The following TMEM179 variants were observed in gnomAD, a reference collection of about 807,000 sequenced individuals.
TMEM179 encodes transmembrane protein 179.
Under a neutral mutation model 22.2 loss-of-function variants are expected in TMEM179, and 17 were observed. That is an observed-to-expected ratio of 0.77 (90% CI 0.52 to 1.15). The LOEUF is 1.15. Among genes scored for constraint, TMEM179 ranks in the 50% most tolerant of loss-of-function variants. The pLI is 0.00. For synonymous variants in TMEM179, 127 were observed against 140.5 expected, an observed-to-expected ratio of 0.90 and a Z score of 0.68; for missense variants, 265 against 313.6, an observed-to-expected ratio of 0.84 and a Z score of 1.17.
At position 104,602,120 on chromosome 14, in the gene TMEM179, C is replaced by CA. The variant is rs531042061; in HGVS notation, c.305+2316dup. On this transcript the variant is annotated intron_variant, in intron 1 of 3. Transcript: ENST00000556573. ...CTGGCAGTTTGCCACGGCTGACAGA[C>CA]AGTCACCTTCCGTGAGATGGCAAGA... Among the ~76,000 whole-genome samples, 1,032 of 152,340 alleles carry CA rather than the reference C, an allele frequency of 6.8e-3. 13 individuals carry two copies. The highest frequency in any genetic ancestry group is 0.024 in the African/African-American group (982 of 41,572).
intron 1 of TMEM179, among the ~76,000 whole-genome samples, chr14:104,599,762 A>G (rs112801404): frequency 4.6e-4 from 70 of 152,270 alleles, no homozygotes; most frequent in African/African-American, 1.6e-3. Context: ...CACACCTTTC[A>G]GCCTCCAGAG....
chr14:104,598,729 G>A (rs530777969), intron 1 of TMEM179, among the ~76,000 whole-genome samples: 113 of 152,216 alleles, frequency 7.4e-4, no homozygotes, highest in Non-Finnish European at 1.4e-3. Flanking sequence ...CAAGGAGCCC[G>A]TCCACTGGCC....
In TMEM179 at chr14:104,595,520, G is replaced by C. The variant is rs987732777; in HGVS notation, c.444-277C>G. 6.6e-6 allele frequency among the ~76,000 whole-genome samples: 1 copy of C among 152,048 alleles called. No homozygotes were observed. Among genetic ancestry groups the C allele is most frequent in the African/African-American group, 2.4e-5 (1 of 41,404 alleles). On this transcript the variant is annotated intron_variant, in intron 2 of 3. Transcript: ENST00000556573. This position sits in a 1 kb window ranked among gnomAD's most constrained non-coding sequence, Gnocchi z 5.7. ...CTGCCTCTGCCCTCCTGGACCCTCT[G>C]CCCCCCATGCCCCACACTCTGAGGA...
chr14:104,597,020 G>A lies in TMEM179; in HGVS notation c.413C>T (p.Thr138Ile). 7 of 1,609,626 alleles carry A rather than the reference G, an allele frequency of 4.3e-6. No homozygotes were observed. Among genetic ancestry groups the A allele is most frequent in the Non-Finnish European group, 5.9e-6 (7 of 1,179,254 alleles). Residue 138 changes from threonine to isoleucine, a missense_variant, in exon 2 of 4, where the codon ACC becomes ATC. Thr to Ile is a moderately conservative substitution (Grantham distance 89). Coordinates refer to ENST00000556573, the MANE Select transcript of TMEM179 (RefSeq NM_001286389.2). This position sits in a 1 kb window ranked among gnomAD's most constrained non-coding sequence, Gnocchi z 4.8. The stretch of plus-strand genomic sequence containing the variant: ...GGGTACGGTGCCCTTCTCGGTGATG[G>A]TGTCGCACCACATGGTGAAGCCCAC... ...VSVGFTMWCDTITEKGTVPHS... is the reference protein window; with the variant it reads ...VSVGFTMWCDIITEKGTVPHS...
Position 104,593,561 on chromosome 14 carries a change from C to A in TMEM179, c.620G>T (p.Ser207Ile). The A allele has an allele frequency of 6.5e-7, 1 of 1,533,870 alleles. No homozygotes were observed. Among genetic ancestry groups the A allele is most frequent in the South Asian group, 1.2e-5 (1 of 83,852 alleles). The change falls in exon 4 of 4, where the codon AGC becomes ATC. Residue 207 changes from serine to isoleucine, a missense_variant. Ser to Ile is a moderately radical substitution (Grantham distance 142). Coordinates refer to ENST00000556573, the MANE Select transcript of TMEM179 (RefSeq NM_001286389.2). ...HNYRQEDLLD[S>I]LIHEKELLLA... Reference sequence around the variant, plus strand: ...CAGCAGCTCCTTCTCGTGGATCAGGCTGTCCAGCAGGTCCTCCTGACGGTA... The same window carrying A: ...CAGCAGCTCCTTCTCGTGGATCAGGATGTCCAGCAGGTCCTCCTGACGGTA...
In TMEM179 at chr14:104,593,260, C is replaced by T. The variant is rs1286681144; in HGVS notation, c.*219G>A. ...CCGCCCCACACCCATAGTCTCTCTG[C>T]ACCATCCTCATCAGGGAGCCGGCAC... On this transcript the variant is annotated 3_prime_UTR_variant, in exon 4 of 4. Transcript: ENST00000556573. 2 of 618,116 alleles carry T rather than the reference C, an allele frequency of 3.2e-6. No individual in the cohort carries two copies. Among genetic ancestry groups the T allele is most frequent in the Non-Finnish European group, 5.7e-6 (2 of 352,684 alleles). The allele number at this position is 618,116 out of a possible 1,614,324, so 38.3% of individuals were successfully genotyped here.
In TMEM179 at chr14:104,593,472, ACT is replaced by A. The variant is rs960715798; in HGVS notation, c.*5_*6del. 5 of 1,535,876 alleles carry A rather than the reference ACT, an allele frequency of 3.3e-6. No individual in the cohort carries two copies. The African/African-American group carries it at 6.8e-5, about 21-fold the overall frequency. On this transcript the variant is annotated 3_prime_UTR_variant, in exon 4 of 4. Transcript: ENST00000556573. Reference sequence around the variant, plus strand: ...GTCGGGGCCAGCTCCCCCTGCCTGCACTGTGCCTAAATGACAGCGCTCTTCTC... The same window carrying A: ...GTCGGGGCCAGCTCCCCCTGCCTGCAGTGCCTAAATGACAGCGCTCTTCTC...
intron 1 of TMEM179, among the ~76,000 whole-genome samples, chr14:104,600,720 C>T (rs1238773361): frequency 2.0e-5 from 3 of 152,246 alleles, no homozygotes; most frequent in Non-Finnish European, 4.4e-5. Context: ...AATTTTCACA[C>T]TTCTGGGCAC....
intron 3 of TMEM179, chr14:104,594,819 T>C: frequency 1.6e-6 from 2 of 1,255,518 alleles, no homozygotes; most frequent in Non-Finnish European, 2.0e-6. Flanking sequence ...TCCAAAGCCC[T>C]TGTCCCTACA....
Position 104,593,244 on chromosome 14 carries a change from A to G in TMEM179, c.*235T>C. On this transcript the variant is annotated 3_prime_UTR_variant, in exon 4 of 4. Transcript: ENST00000556573. ...GAGGTGCCCCCCGCCCCCGCCCCAC[A>G]CCCATAGTCTCTCTGCACCATCCTC... The G allele has an allele frequency of 1.8e-6, 1 of 561,070 alleles. No individual in the cohort carries two copies. Among genetic ancestry groups the G allele is most frequent in the Non-Finnish European group, 3.1e-6 (1 of 321,796 alleles). The allele number at this position is 561,070 out of a possible 1,614,324, so 34.8% of individuals were successfully genotyped here. A position where few individuals can be genotyped will look rare whatever the true frequency, so the allele number is the denominator to read the frequency against.
Position 104,600,748 on chromosome 14 carries a change from A to C in TMEM179, c.306-3621T>G, listed in dbSNP as rs1596300259. Among the ~76,000 whole-genome samples the C allele has an allele frequency of 2.0e-5, 3 of 152,056 alleles. No homozygotes were observed. In the East Asian group the frequency reaches 5.8e-4, roughly 29 times the overall value. On this transcript the variant is annotated intron_variant, in intron 1 of 3. Transcript: ENST00000556573. ...CTGGGCACGAGCTCTCAGGGCCCAG[A>C]CTCTGCATGAAAGACACCCCCATAG...
chr14:104,594,903 CAGACCCCAGGGCCTTGCCA>C, intron 3 of TMEM179: 1 of 1,339,778 alleles, frequency 7.5e-7, no homozygotes, highest in South Asian at 1.8e-5. Context: ...CTTCCCACCC[CAGACCCCAGGGCCTTGCCA>C]CTTCCTGATT....
At chr14:104,600,047 C>G (rs940475105) in intron 1 of TMEM179, among the ~76,000 whole-genome samples, 24 of 152,168 alleles carry the variant, frequency 1.6e-4, no homozygotes, top group African/African-American at 5.8e-4. Context: ...CGAGGAGTTC[C>G]CCATGAGATA....
chr14:104,604,385 G>A lies in TMEM179; in HGVS notation c.305+52C>T. The stretch of plus-strand genomic sequence containing the variant: ...GCGCCTCCCCGGGGAGGTGGGTCTG[G>A]GGGCGCTGGGGGCATGGAAGGGGCG... On this transcript the variant is annotated intron_variant, in intron 1 of 3. Coordinates refer to ENST00000556573, the MANE Select transcript of TMEM179 (RefSeq NM_001286389.2). This position sits in a 1 kb window ranked among gnomAD's most constrained non-coding sequence, Gnocchi z 4.6. The A allele has an allele frequency of 4.2e-6, 6 of 1,435,248 alleles. No individual in the cohort carries two copies. The South Asian group carries it at 8.7e-5, about 21-fold the overall frequency. 88.9% of individuals were successfully genotyped at this position (1,435,248 alleles called of 1,614,324 possible).
intron 2 of TMEM179, among the ~76,000 whole-genome samples, chr14:104,596,754 C>T (rs1054728582): frequency 6.6e-6 from 1 of 152,170 alleles, no homozygotes; most frequent in East Asian, 1.9e-4. Context: ...GATGATCGCT[C>T]TTGTGTGACG....
chr14:104,603,204 C>A (rs753411424), intron 1 of TMEM179, among the ~76,000 whole-genome samples: 23 of 152,200 alleles, frequency 1.5e-4, no homozygotes, highest in Non-Finnish European at 2.6e-4. Context: ...CTCCCTTCTC[C>A]CTGAAGCCCC....
chr14:104,603,951 G>A (rs920433105), intron 1 of TMEM179, among the ~76,000 whole-genome samples: 2 of 152,232 alleles, frequency 1.3e-5, no homozygotes, highest in Non-Finnish European at 2.9e-5. Context: ...GTGGGCCTGG[G>A]TGGCTCCCCT....
intron 1 of TMEM179, among the ~76,000 whole-genome samples, chr14:104,599,572 G>A (rs1887169650): frequency 6.6e-6 from 1 of 152,194 alleles, no homozygotes; most frequent in Non-Finnish European, 1.5e-5. Flanking sequence ...AAATCCATCT[G>A]GCCTGGGGGT....
Position 104,593,394 on chromosome 14 carries a change from AG to A in TMEM179, c.*84del. On this transcript the variant is annotated 3_prime_UTR_variant, in exon 4 of 4. Coordinates refer to ENST00000556573, the MANE Select transcript of TMEM179 (RefSeq NM_001286389.2). Reference sequence around the variant, plus strand: ...CTGCATGTGGCCAGGGCCCAGGCAGAGCCCCCCAGCTGCTTCCCCAGGCAGG... The same window carrying A: ...CTGCATGTGGCCAGGGCCCAGGCAGACCCCCCAGCTGCTTCCCCAGGCAGG... The A allele has an allele frequency of 6.7e-7, 1 of 1,489,546 alleles. No individual in the cohort carries two copies. Among genetic ancestry groups the A allele is most frequent in the African/African-American group, 1.4e-5 (1 of 72,282 alleles). 92.3% of individuals were successfully genotyped at this position (1,489,546 alleles called of 1,614,324 possible).
Sources: gnomAD v4.1 joint callset for allele counts (sites outside exome capture counted in the v4.1 genomes callset) on GRCh38, gnomAD v4.1.1 for gene constraint, Gnocchi (gnomAD v3.1) non-coding constraint, MANE v1.5 for transcripts, NCBI Gene and HGNC (gene_info 2026-07-23, HGNC 2026-07-21) for gene names.